The following CEP128 variants were observed in gnomAD, a reference collection of about 807,000 sequenced individuals.
The protein encoded by CEP128 is centrosomal protein 128.
Under a neutral mutation model 156.7 loss-of-function variants are expected in CEP128, and 132 were observed. The observed-to-expected ratio is 0.84, with a 90% CI of 0.73 to 0.97. The LOEUF is 0.97. Among genes scored for constraint, CEP128 ranks in the 50% least tolerant of loss-of-function variants. CEP128 has a pLI of 0.00. For missense variants in CEP128, 1,252 were observed against 1,281.9 expected (o/e 0.98, Z 0.36); for synonymous variants, 469 against 448.9 (o/e 1.04, Z -0.57).
chr14:80,607,687 G>GC (rs1421608252), intron 19 of CEP128, among the ~76,000 whole-genome samples: 4 of 152,062 alleles, frequency 2.6e-5, no homozygotes, highest in Admixed American at 2.6e-4. Context: ...GCAGGAGCAG[G>GC]CAAGTTTGAA....
chr14:80,812,513 T>C (rs910212906), intron 13 of CEP128, among the ~76,000 whole-genome samples: 4 of 152,226 alleles, frequency 2.6e-5, no homozygotes, highest in African/African-American at 4.8e-5. Context: ...TAATCTACAC[T>C]GCAATCAGCA....
chr14:80,539,255 T>C (rs1190145606), intron 21 of CEP128, among the ~76,000 whole-genome samples: 4 of 152,276 alleles, frequency 2.6e-5, no homozygotes, highest in South Asian at 2.1e-4. Flanking sequence ...TAGTGAGTGA[T>C]AGGGTTTCTA....
intron 8 of CEP128, among the ~76,000 whole-genome samples, chr14:80,889,592 GA>G (rs1316497064): frequency 1.3e-5 from 2 of 152,090 alleles, no homozygotes. Context: ...AACTAAAACT[GA>G]ACCCCTTCCT....
At chr14:80,667,933 TAAA>T (rs1895691079) in intron 19 of CEP128, among the ~76,000 whole-genome samples, 1 of 152,014 alleles carries the variant, frequency 6.6e-6, no homozygotes, top group African/African-American at 2.4e-5. Context: ...CAAAGACTTT[TAAA>T]AATAGTATCC....
chr14:80,550,920 ATG>A (rs1473514931), intron 21 of CEP128, among the ~76,000 whole-genome samples: 1 of 151,844 alleles, frequency 6.6e-6, no homozygotes, highest in Admixed American at 6.6e-5. Flanking sequence ...TCATAGCTAA[ATG>A]CTAATTTTTG....
chr14:80,770,525 G>A (rs1595373476), intron 16 of CEP128, among the ~76,000 whole-genome samples: 1 of 152,144 alleles, frequency 6.6e-6, no homozygotes, highest in East Asian at 1.9e-4. Context: ...AAAAGTCAAG[G>A]AGTACTCTGG....
intron 15 of CEP128, among the ~76,000 whole-genome samples, chr14:80,781,455 C>CAAAAAAAA (rs67179008): frequency 1.1e-5 from 1 of 90,512 alleles, no homozygotes; most frequent in Admixed American, 1.3e-4. Flanking sequence ...GACTCCGTCT[C>CAAAAAAAA]AAAAAAAAAA....
intron 19 of CEP128, among the ~76,000 whole-genome samples, chr14:80,607,721 G>C (rs1424656210): frequency 6.6e-6 from 1 of 152,124 alleles, no homozygotes; most frequent in Admixed American, 6.6e-5. Context: ...TCTTTCACAG[G>C]CCTAGCTTCT....
chr14:80,859,468 A>T (rs1351013442), intron 9 of CEP128, among the ~76,000 whole-genome samples: 1 of 151,650 alleles, frequency 6.6e-6, no homozygotes, highest in Admixed American at 6.6e-5. Context: ...TAGTGGGTGC[A>T]GCGCAGCAGC....
At chr14:80,629,353 G>A (rs981066835) in intron 19 of CEP128, among the ~76,000 whole-genome samples, 1 of 152,052 alleles carries the variant, frequency 6.6e-6, no homozygotes, top group African/African-American at 2.4e-5. Flanking sequence ...ACATCTAGCA[G>A]GTGAACACTT....
At chr14:80,512,072 A>G (rs888063725) in intron 23 of CEP128, among the ~76,000 whole-genome samples, 7 of 152,038 alleles carry the variant, frequency 4.6e-5, no homozygotes, top group Non-Finnish European at 8.8e-5. Flanking sequence ...TGTTCTGTAC[A>G]TATCTATTAG....
At chr14:80,706,096 A>G (rs527732802) in intron 19 of CEP128, among the ~76,000 whole-genome samples, 1 of 152,158 alleles carries the variant, frequency 6.6e-6, no homozygotes, top group Non-Finnish European at 1.5e-5. Flanking sequence ...TTTCTATCAT[A>G]AATTGTTCAC....
At chr14:80,550,303 T>C (rs1890159281) in intron 21 of CEP128, among the ~76,000 whole-genome samples, 2 of 152,174 alleles carry the variant, frequency 1.3e-5, no homozygotes, top group Non-Finnish European at 2.9e-5. Flanking sequence ...TCTAAGTCAA[T>C]GGTTTTCAAA....
At chr14:80,697,927 C>G (rs567615126) in intron 19 of CEP128, among the ~76,000 whole-genome samples, 1 of 151,680 alleles carries the variant, frequency 6.6e-6, no homozygotes, top group Non-Finnish European at 1.5e-5. Context: ...ATATATAAAC[C>G]AGCTTATAAG....
intron 19 of CEP128, among the ~76,000 whole-genome samples, chr14:80,628,653 GGACAAAT>G (rs374910467): frequency 1.3e-5 from 2 of 152,144 alleles, no homozygotes; most frequent in East Asian, 3.9e-4. Context: ...TTTTAGCTTT[GGACAAAT>G]GACTGAAACC....
chr14:80,582,265 G>A (rs1390540716), intron 19 of CEP128, among the ~76,000 whole-genome samples: 1 of 152,166 alleles, frequency 6.6e-6, no homozygotes, highest in Non-Finnish European at 1.5e-5. Context: ...ACAGAACCAG[G>A]AGCTAAATAA....
At chr14:80,533,197 G>C (rs1433429068) in intron 21 of CEP128, among the ~76,000 whole-genome samples, 5 of 152,006 alleles carry the variant, frequency 3.3e-5, no homozygotes, top group Non-Finnish European at 5.9e-5. Flanking sequence ...GGTTTTCTTA[G>C]GAATTTATTG....
intron 19 of CEP128, among the ~76,000 whole-genome samples, chr14:80,716,064 T>A (rs1164044756): frequency 1.3e-5 from 2 of 152,210 alleles, no homozygotes; most frequent in Non-Finnish European, 2.9e-5. Context: ...ACTGCATTAA[T>A]GTCTGGGCAA....
At chr14:80,956,252 A>G (rs572584144) in intron 2 of CEP128, among the ~76,000 whole-genome samples, 1 of 152,074 alleles carries the variant, frequency 6.6e-6, no homozygotes, top group Non-Finnish European at 1.5e-5. Flanking sequence ...AAAAATATGT[A>G]TTTCTCCTTT....
Sources: allele counts gnomAD v4.1 joint callset (sites outside exome capture counted in the v4.1 genomes callset), GRCh38; gene constraint gnomAD v4.1.1; transcripts MANE v1.5; gene names NCBI Gene and HGNC (gene_info 2026-07-23, HGNC 2026-07-21).